CTNNA3: variants seen among roughly 807,000 people sequenced by gnomAD.
CTNNA3 encodes the protein catenin alpha 3.
CTNNA3 carries 76 observed loss-of-function variants against 95.7 expected under a neutral mutation model. The ratio of observed to expected loss-of-function variants is 0.79; its 90% CI spans 0.66 to 0.96. The LOEUF (loss-of-function observed/expected upper bound fraction) is 0.96, where lower values mean the gene tolerates loss of function less well. Among genes scored for constraint, CTNNA3 ranks in the 40% least tolerant of loss-of-function variants. The pLI is 0.00. For synonymous variants in CTNNA3, 431 were observed against 374.4 expected (o/e 1.15, Z -1.74); for missense variants, 1,191 against 1,089.8 (o/e 1.09, Z -1.31).
intron 13 of CTNNA3, among the ~76,000 whole-genome samples, chr10:66,273,559 C>A (rs2132137353): frequency 6.6e-6 from 1 of 152,208 alleles, no homozygotes; most frequent in Non-Finnish European, 1.5e-5. Context: ...TGATGAATTT[C>A]AACATTCTAT....
intron 11 of CTNNA3, among the ~76,000 whole-genome samples, chr10:66,479,593 T>C (rs1839443785): frequency 6.6e-6 from 1 of 152,068 alleles, no homozygotes; most frequent in Non-Finnish European, 1.5e-5. Context: ...TAGTCACAAA[T>C]AATTATATTT....
intron 9 of CTNNA3, among the ~76,000 whole-genome samples, chr10:66,685,126 T>C (rs550985634): frequency 6.8e-6 from 1 of 147,720 alleles, no homozygotes; most frequent in Non-Finnish European, 1.5e-5. Flanking sequence ...AAGCAAGCTA[T>C]AAGGCATTCT....
At chr10:67,710,793 C>G (rs530232655) in intron 1 of CTNNA3, among the ~76,000 whole-genome samples, 2 of 152,222 alleles carry the variant, frequency 1.3e-5, no homozygotes, top group South Asian at 4.2e-4. Flanking sequence ...TGTGTCCTGA[C>G]TGGGATAGAA....
At chr10:67,571,569 T>C (rs1037923245) in intron 3 of CTNNA3, among the ~76,000 whole-genome samples, 1 of 152,190 alleles carries the variant, frequency 6.6e-6, no homozygotes, top group African/African-American at 2.4e-5. Context: ...AAATGCTGAA[T>C]TGTATTGCAA....
At chr10:66,904,439 T>C (rs1845897356) in intron 7 of CTNNA3, among the ~76,000 whole-genome samples, 1 of 152,132 alleles carries the variant, frequency 6.6e-6, no homozygotes, top group Non-Finnish European at 1.5e-5. Flanking sequence ...GGCAATACCA[T>C]TCAGGACATA....
chr10:66,287,659 T>C (rs1051932404), intron 12 of CTNNA3, among the ~76,000 whole-genome samples: 1 of 152,116 alleles, frequency 6.6e-6, no homozygotes, highest in South Asian at 2.1e-4. Context: ...TGAGAAAGGC[T>C]AGATACCAAA....
At chr10:67,672,605 A>AT (rs1409240609) in intron 1 of CTNNA3, among the ~76,000 whole-genome samples, 1 of 152,172 alleles carries the variant, frequency 6.6e-6, no homozygotes, top group African/African-American at 2.4e-5. Context: ...AGCACCATTT[A>AT]TTAAAAAGGG....
chr10:66,096,699 T>G (rs947342631), intron 14 of CTNNA3, among the ~76,000 whole-genome samples: 2 of 151,978 alleles, frequency 1.3e-5, no homozygotes, highest in African/African-American at 4.8e-5. Flanking sequence ...AATTTCTGTA[T>G]TTTTAGTAGA....
At chr10:67,551,455 T>C (rs1376910642) in intron 3 of CTNNA3, among the ~76,000 whole-genome samples, 4 of 152,152 alleles carry the variant, frequency 2.6e-5, no homozygotes, top group African/African-American at 9.7e-5. Context: ...TCCAAGCCCA[T>C]GTGTGATCCA....
chr10:67,541,505 C>T (rs1254420189), intron 3 of CTNNA3, among the ~76,000 whole-genome samples: 3 of 151,978 alleles, frequency 2.0e-5, no homozygotes, highest in Admixed American at 6.6e-5. Context: ...ACTCTAGACA[C>T]TTCTGAGATC....
chr10:66,630,006 A>C (rs1845076618), intron 9 of CTNNA3, among the ~76,000 whole-genome samples: 1 of 152,140 alleles, frequency 6.6e-6, no homozygotes, highest in African/African-American at 2.4e-5. Flanking sequence ...TCAGTTTATA[A>C]TTATATGTTC....
chr10:66,576,522 A>G (rs1843008606), intron 10 of CTNNA3, among the ~76,000 whole-genome samples: 1 of 151,862 alleles, frequency 6.6e-6, no homozygotes, highest in Non-Finnish European at 1.5e-5. Flanking sequence ...CTTTGTTCCT[A>G]TCTTTGTGTC....
At chr10:67,539,408 G>A in intron 4 of CTNNA3, 95 bp downstream of exon 4, 1 of 1,338,658 alleles carries the variant, frequency 7.5e-7, no homozygotes, top group Non-Finnish European at 1.0e-6. Flanking sequence ...AGAAATGAGA[G>A]TGAAGCCAAG....
At chr10:66,579,778 T>G (rs1250403137) in intron 10 of CTNNA3, among the ~76,000 whole-genome samples, 1 of 151,836 alleles carries the variant, frequency 6.6e-6, no homozygotes, top group Non-Finnish European at 1.5e-5. Context: ...ACAAAATTTT[T>G]TCTTTCAGCA....
intron 5 of CTNNA3, among the ~76,000 whole-genome samples, chr10:67,424,019 A>G (rs1011020753): frequency 6.6e-6 from 1 of 152,170 alleles, no homozygotes; most frequent in Non-Finnish European, 1.5e-5. Flanking sequence ...GTCAGGAAAA[A>G]GAATCAATAA....
chr10:66,594,459 A>G (rs543385847), intron 10 of CTNNA3, among the ~76,000 whole-genome samples: 15 of 152,210 alleles, frequency 9.9e-5, no homozygotes, highest in Admixed American at 9.2e-4. Context: ...CTCCTTCCAA[A>G]GCATAGCCCT....
intron 7 of CTNNA3, among the ~76,000 whole-genome samples, chr10:66,906,214 G>T (rs1460533807): frequency 1.3e-5 from 2 of 152,066 alleles, no homozygotes; most frequent in South Asian, 2.1e-4. Flanking sequence ...ACACCATAAC[G>T]AAGAGATATT....
intron 7 of CTNNA3, among the ~76,000 whole-genome samples, chr10:67,063,704 G>A (rs1216562379): frequency 1.3e-5 from 2 of 152,146 alleles, no homozygotes; most frequent in African/African-American, 2.4e-5. Flanking sequence ...ACAGATAATT[G>A]GCATGAGCCA....
intron 1 of CTNNA3, among the ~76,000 whole-genome samples, chr10:67,749,111 AT>A (rs1182947528): frequency 6.6e-6 from 1 of 152,216 alleles, no homozygotes; most frequent in Non-Finnish European, 1.5e-5. Flanking sequence ...ACAATTCTAA[AT>A]ATATATGCAC....
Sources: gnomAD v4.1 joint callset for allele counts (sites outside exome capture counted in the v4.1 genomes callset) on GRCh38, gnomAD v4.1.1 for gene constraint, MANE v1.5 for transcripts, NCBI Gene and HGNC (gene_info 2026-07-23, HGNC 2026-07-21) for gene names.